Variants in COL11A2 observed in about 807,000 individuals in gnomAD.
COL11A2 encodes collagen type XI alpha 2 chain.
In COL11A2, 116 loss-of-function variants were observed where a neutral mutation model predicts 273.4. The observed-to-expected ratio is 0.42, with a 90% CI of 0.36 to 0.49. COL11A2 has a LOEUF of 0.49. Among genes scored for constraint, COL11A2 ranks in the 20% least tolerant of loss-of-function variants. The pLI is 0.00. For synonymous variants in COL11A2, 782 were observed against 864.2 expected, an observed-to-expected ratio of 0.90 and a Z score of 1.67; for missense variants, 1,866 against 2,309.0, an observed-to-expected ratio of 0.81 and a Z score of 3.93.
Position 33,167,132 on chromosome 6 carries a change from A to G in COL11A2, c.4177-9T>C. On this transcript the variant is annotated splice_polypyrimidine_tract_variant and intron_variant, in intron 57 of 65. Coordinates refer to ENST00000341947, the MANE Select transcript of COL11A2 (RefSeq NM_080680.3). The surrounding 1 kb of genome is among the most constrained non-coding windows in gnomAD (Gnocchi z 6.1). ...GGCAGCCCTGGGGGTCCCTGTGGAG[A>G]GATGGGAAGTCATTCTCTTAAGGGA... 1 of 1,613,842 alleles carries G rather than the reference A, an allele frequency of 6.2e-7. No homozygotes were observed. The highest frequency in any genetic ancestry group is 8.5e-7 in the Non-Finnish European group (1 of 1,179,922).
chr6:33,180,695 TG>T lies in COL11A2; in HGVS notation c.1256del (p.Pro419GlnfsTer91). ...LIGPPGIQGN[P>X]GPVGDPGERG... The stretch of plus-strand genomic sequence containing the variant: ...TCTCTCCAGGGTCTCCAACTGGGCC[TG>T]GGTTCCCCTGGATGCCAGGGGGACC... On this transcript the variant is annotated frameshift_variant, in exon 11 of 66. Transcript: ENST00000341947. LOFTEE classifies it high-confidence loss of function. 1 of 1,610,752 alleles carries T rather than the reference TG, an allele frequency of 6.2e-7. No individual in the cohort carries two copies. Among genetic ancestry groups the T allele is most frequent in the Non-Finnish European group, 8.5e-7 (1 of 1,179,060 alleles).
intron 40 of COL11A2, 79 bp downstream of exon 40, chr6:33,172,210 G>A: frequency 3.8e-6 from 6 of 1,571,384 alleles, no homozygotes; most frequent in Admixed American, 1.7e-5. Flanking sequence ...TGACATGGAG[G>A]GGGTCAGGGA....
chr6:33,164,388 T>C lies in COL11A2; in HGVS notation c.4949A>G (p.Asp1650Gly). The C allele has an allele frequency of 1.2e-6, 2 of 1,609,886 alleles. No homozygotes were observed. Among genetic ancestry groups the C allele is most frequent in the Non-Finnish European group, 1.7e-6 (2 of 1,178,658 alleles). Residue 1650 changes from aspartate (D) to glycine (G), a missense_variant, in exon 65 of 66, where the codon GAC becomes GGC. Coordinates refer to ENST00000341947, the MANE Select transcript of COL11A2 (RefSeq NM_080680.3). This position sits in a 1 kb window ranked among gnomAD's most constrained non-coding sequence, Gnocchi z 4.7. ...TGCTCCAGAGCAGGGGTAGGAGACG[T>C]CCTGGTGGGCTGAGACGCTGAGCAG... is the stretch of plus-strand genomic sequence containing the variant. The part of the protein sequence containing the change: ...LRLLSVSAHQ[D>G]VSYPCSGAAR...
chr6:33,182,697 T>TG (rs1254034006), intron 8 of COL11A2, among the ~76,000 whole-genome samples: 1 of 148,910 alleles, frequency 6.7e-6, no homozygotes, highest in African/African-American at 2.5e-5. Flanking sequence ...GGTGACAGAG[T>TG]GAGACCCTGC....
Position 33,184,343 on chromosome 6 carries a change from G to C in COL11A2, c.940-19C>G, listed in dbSNP as rs538252081. 7.4e-7 allele frequency: 1 copy of C among 1,359,880 alleles called. No homozygotes were observed. Among genetic ancestry groups the C allele is most frequent in the Admixed American group, 1.9e-5 (1 of 52,548 alleles). 84.2% of individuals were successfully genotyped at this position (1,359,880 alleles called of 1,614,324 possible). Reference sequence around the variant, plus strand: ...TCTGCTCCTTCCCAGGGATGGGGAGGGAGAGGGGTAGATGGGGATGTTAGG... The same window carrying C: ...TCTGCTCCTTCCCAGGGATGGGGAGCGAGAGGGGTAGATGGGGATGTTAGG... On this transcript the variant is annotated intron_variant, in intron 7 of 65. Transcript: ENST00000341947.
chr6:33,187,881 G>A (rs1037433058), intron 4 of COL11A2, among the ~76,000 whole-genome samples: 7 of 151,998 alleles, frequency 4.6e-5, no homozygotes, highest in Admixed American at 6.6e-5. Context: ...CTGGATGGAG[G>A]AGTTGAAGAG....
In COL11A2 at chr6:33,177,577, C is replaced by A; in HGVS notation, c.1917+85G>T. On this transcript the variant is annotated intron_variant, in intron 22 of 65. Transcript: ENST00000341947. The surrounding 1 kb of genome is among the most constrained non-coding windows in gnomAD (Gnocchi z 5.9). ...CAAGAAGGCAAGAGCAGGAAGCAGG[C>A]AGGGGTCAAAATGGCGGCCAACAGG... is the stretch of plus-strand genomic sequence containing the variant. 1 of 1,590,202 alleles carries A rather than the reference C, an allele frequency of 6.3e-7. No homozygotes were observed.
chr6:33,172,232 T>C (rs973233), intron 40 of COL11A2, 57 bp downstream of exon 40: 2 of 1,490,036 alleles, frequency 1.3e-6, no homozygotes, highest in African/African-American at 1.4e-5. Context: ...AGGGTCGGGG[T>C]GGGGACTCAG....
In COL11A2 at chr6:33,179,318, G is replaced by A; in HGVS notation, c.1504-34C>T. Reference sequence around the variant, plus strand: ...GAGAAGAGAGGATGGCCGTAAGGAAGGACACAGCCAACAGTGGCCTCGGAG... The same window carrying A: ...GAGAAGAGAGGATGGCCGTAAGGAAAGACACAGCCAACAGTGGCCTCGGAG... On this transcript the variant is annotated intron_variant, in intron 14 of 65. Transcript: ENST00000341947. This position sits in a 1 kb window ranked among gnomAD's most constrained non-coding sequence, Gnocchi z 6.4. 6.2e-7 allele frequency: 1 copy of A among 1,601,156 alleles called. No homozygotes were observed. The highest frequency in any genetic ancestry group is 2.2e-5 in the East Asian group (1 of 44,506).
In COL11A2 at chr6:33,178,775, C is replaced by A; in HGVS notation, c.1666-43G>T. 6.2e-7 allele frequency: 1 copy of A among 1,611,568 alleles called. No individual in the cohort carries two copies. The highest frequency in any genetic ancestry group is 1.7e-5 in the Admixed American group (1 of 60,010). On this transcript the variant is annotated intron_variant, in intron 17 of 65. Coordinates refer to ENST00000341947, the MANE Select transcript of COL11A2 (RefSeq NM_080680.3). The surrounding 1 kb of genome is among the most constrained non-coding windows in gnomAD (Gnocchi z 4.6). ...AGCCAGAGTGAGGACACGACCCTGT[C>A]CAAGCCCACCCCTCCCTACTGCACC...
chr6:33,186,849 A>C (rs761828335), intron 4 of COL11A2, 31 bp from the exon 5 acceptor site: 3 of 1,612,968 alleles, frequency 1.9e-6, no homozygotes, highest in Non-Finnish European at 2.5e-6. Context: ...TGGAGCGGAG[A>C]GATTCAGAGA....
rs2855416 is a variant in COL11A2, at chr6:33,181,375, C to G, written c.1120-205G>C. On this transcript the variant is annotated intron_variant, in intron 8 of 65. Transcript: ENST00000341947. ...GGAGACCTCAGGGTTCCCTGCCCCC[C>G]CAGTTCCCAGCCCCACCTCAGCAAA... is the stretch of plus-strand genomic sequence containing the variant. 0.11 allele frequency among the ~76,000 whole-genome samples: 16,365 copies of G among 152,264 alleles called. 1,059 individuals are homozygous for G. The highest frequency in any genetic ancestry group is 0.18 in the South Asian group (876 of 4,808).
At position 33,171,770 on chromosome 6, in the gene COL11A2, C is replaced by T. The variant is rs61738289; in HGVS notation, c.3093G>A (p.Pro1031=). The T allele has an allele frequency of 3.2e-5, 52 of 1,612,754 alleles. No individual in the cohort carries two copies. Among genetic ancestry groups the T allele is most frequent in the Non-Finnish European group, 4.1e-5 (48 of 1,179,974 alleles). ...GAAGSGGPIG[P]PGRPGPQGPP... Reference sequence around the variant, plus strand: ...GACCCTGCGGGCCTGGGCGCCCTGGCGGACCAATGGGTCCCCCTGATCCTG... The same window carrying T: ...GACCCTGCGGGCCTGGGCGCCCTGGTGGACCAATGGGTCCCCCTGATCCTG... The change falls in exon 42 of 66, where the codon CCG becomes CCA. Residue 1031 remains proline (P), a synonymous_variant. Transcript: ENST00000341947.
Position 33,175,603 on chromosome 6 carries a change from G to T in COL11A2, c.2347C>A (p.Pro783Thr), listed in dbSNP as rs1770792659. The T allele has an allele frequency of 2.5e-6, 4 of 1,612,914 alleles. No homozygotes were observed. In the African/African-American group the frequency reaches 5.3e-5, roughly 22 times the overall value. Residue 783 changes from proline (P) to threonine (T), a missense_variant, in exon 30 of 66, where the codon CCT becomes ACT. Physicochemically the swap from Pro to Thr is conservative, Grantham distance 38 (BLOSUM62 -1). Transcript: ENST00000341947. ...PKGRTGPTGD[P>T]GPPGLMGEKG... ...TCGCCCATGAGCCCTGGGGGCCCAG[G>T]GTCTCCAGTCGGTCCAGTGCGTCCC...
rs1402165363 is a variant in COL11A2 at position 33,173,672 on chromosome 6, G to A, written c.2628+29C>T. On this transcript the variant is annotated intron_variant, in intron 35 of 65. Coordinates refer to ENST00000341947, the MANE Select transcript of COL11A2 (RefSeq NM_080680.3). The surrounding 1 kb of genome is among the most constrained non-coding windows in gnomAD (Gnocchi z 6.3). ...TCACCCAGGCTCCCTGGGGACCTCA[G>A]GGGAAGGGGACTTTCGATCCACACT... 6.4e-7 allele frequency: 1 copy of A among 1,562,700 alleles called. No individual in the cohort carries two copies.
chr6:33,167,027 G>T lies in COL11A2; in HGVS notation c.4230+43C>A. ...GGTCCCACAGGTTTCAGGGGCGAGG[G>T]TGATGGGAGAGACACCTGGCCACGT... On this transcript the variant is annotated intron_variant, in intron 58 of 65. Coordinates refer to ENST00000341947, the MANE Select transcript of COL11A2 (RefSeq NM_080680.3). The surrounding 1 kb of genome is among the most constrained non-coding windows in gnomAD (Gnocchi z 6.1). 6.2e-7 allele frequency: 1 copy of T among 1,611,490 alleles called. No homozygotes were observed.
chr6:33,181,602 G>A (rs17221541), intron 8 of COL11A2, among the ~76,000 whole-genome samples: 21,541 of 152,048 alleles, frequency 0.14, 2,060 homozygotes, highest in Admixed American at 0.26. Flanking sequence ...AGCCTCCCAA[G>A]TAGCTGGGAT....
rs1243312470 is a variant in COL11A2 at position 33,184,918 on chromosome 6, CG to C, written c.939+73del. On this transcript the variant is annotated intron_variant, in intron 7 of 65. Coordinates refer to ENST00000341947, the MANE Select transcript of COL11A2 (RefSeq NM_080680.3). ...CAGAGGAGGGGCTGGTCCATCAAGA[CG>C]TCATGGGCTGAGGGGAGTGAGTCAC... 3 of 1,267,924 alleles carry C rather than the reference CG, an allele frequency of 2.4e-6. No homozygotes were observed. In the Admixed American group the frequency reaches 5.9e-5, roughly 25 times the overall value. 78.5% of individuals were successfully genotyped at this position (1,267,924 alleles called of 1,614,324 possible).
Position 33,175,587 on chromosome 6 carries a change from A to C in COL11A2, c.2363T>G (p.Leu788Arg). 6.2e-7 allele frequency: 1 copy of C among 1,612,662 alleles called. No homozygotes were observed. The highest frequency in any genetic ancestry group is 8.5e-7 in the Non-Finnish European group (1 of 1,179,806). ...TCATCCCATCACCTTCTCGCCCATGAGCCCTGGGGGCCCAGGGTCTCCAGT... is the reference window on the plus strand; with the variant it reads ...TCATCCCATCACCTTCTCGCCCATGCGCCCTGGGGGCCCAGGGTCTCCAGT... ...GPTGDPGPPG[L>R]MGEKGKLGVP... Residue 788 changes from leucine to arginine, a missense_variant, in exon 30 of 66, where the codon CTC becomes CGC. Coordinates refer to ENST00000341947, the MANE Select transcript of COL11A2 (RefSeq NM_080680.3).
Sources: gnomAD v4.1 joint callset for allele counts (sites outside exome capture counted in the v4.1 genomes callset) on GRCh38, gnomAD v4.1.1 for gene constraint, Gnocchi (gnomAD v3.1) non-coding constraint, MANE v1.5 for transcripts, NCBI Gene and HGNC (gene_info 2026-07-23, HGNC 2026-07-21) for gene names.